The following SGCZ variants were observed in gnomAD, a reference collection of about 807,000 sequenced individuals.
The protein encoded by SGCZ is sarcoglycan zeta, also known as zeta-sarcoglycan.
Under a neutral mutation model 41.3 loss-of-function variants are expected in SGCZ, and 40 were observed. The observed-to-expected ratio is 0.97, with a 90% CI of 0.75 to 1.26. SGCZ has a LOEUF of 1.26. SGCZ is among the 50% of genes most tolerant of loss of function. The pLI is 0.00. For missense variants in SGCZ, 552 were observed against 369.8 expected, an observed-to-expected ratio of 1.49 and a Z score of -4.04; for synonymous variants, 206 against 137.5, an observed-to-expected ratio of 1.50 and a Z score of -3.49.
Position 14,168,568 on chromosome 8 carries a change from T to C in SGCZ, c.425-3866A>G, listed in dbSNP as rs1240682586. Among the ~76,000 whole-genome samples the C allele has an allele frequency of 2.0e-5, 3 of 152,150 alleles. No homozygotes were observed. In the South Asian group the frequency reaches 6.2e-4, roughly 32 times the overall value. ...TTATCTTCCCGGCTGCCACGTAAGA[T>C]GTGACTTGCTCCTCCTTGCCTGCAG... On this transcript the variant is annotated intron_variant, in intron 4 of 7. Coordinates refer to ENST00000382080, the MANE Select transcript of SGCZ (RefSeq NM_139167.4).
At chr8:14,496,148 C>T (rs1801981848) in intron 2 of SGCZ, among the ~76,000 whole-genome samples, 1 of 150,702 alleles carries the variant, frequency 6.6e-6, no homozygotes, top group African/African-American at 2.4e-5. Context: ...TCACTGCAGC[C>T]TCAAACTCTT....
At chr8:14,831,964 A>G (rs960425125) in intron 1 of SGCZ, among the ~76,000 whole-genome samples, 1 of 152,150 alleles carries the variant, frequency 6.6e-6, no homozygotes, top group Non-Finnish European at 1.5e-5. Context: ...AGTGTTTTAA[A>G]AGAATAGCTG....
chr8:14,746,069 T>A (rs1336051866), intron 1 of SGCZ, among the ~76,000 whole-genome samples: 1 of 152,052 alleles, frequency 6.6e-6, no homozygotes, highest in Non-Finnish European at 1.5e-5. Context: ...AAATTATTTT[T>A]GTTTTAATAT....
At chr8:15,040,956 G>A (rs982670739) in intron 1 of SGCZ, among the ~76,000 whole-genome samples, 3 of 151,922 alleles carry the variant, frequency 2.0e-5, no homozygotes, top group Non-Finnish European at 4.4e-5. Flanking sequence ...TGTCTAATAC[G>A]TTTATCTACA....
At chr8:14,542,850 G>A (rs985724405) in intron 2 of SGCZ, among the ~76,000 whole-genome samples, 1 of 151,962 alleles carries the variant, frequency 6.6e-6, no homozygotes, top group Admixed American at 6.6e-5. Flanking sequence ...TGCTAAGGGT[G>A]CTATTTACGT....
At chr8:14,882,236 A>G (rs537486840) in intron 1 of SGCZ, among the ~76,000 whole-genome samples, 5 of 152,266 alleles carry the variant, frequency 3.3e-5, no homozygotes, top group South Asian at 2.1e-4. Context: ...TCTGCTCACA[A>G]CATTTTCAGA....
intron 3 of SGCZ, among the ~76,000 whole-genome samples, chr8:14,289,480 C>T (rs1301659207): frequency 1.3e-5 from 2 of 152,036 alleles, no homozygotes; most frequent in Non-Finnish European, 2.9e-5. Flanking sequence ...ACTCATTTTA[C>T]ATGTAAATAT....
intron 1 of SGCZ, among the ~76,000 whole-genome samples, chr8:14,719,469 A>G (rs940260602): frequency 1.7e-4 from 25 of 151,484 alleles, no homozygotes; most frequent in African/African-American, 6.1e-4. Flanking sequence ...CAGTCCCACC[A>G]ATAGTGTAAA....
At chr8:14,927,406 G>C (rs79323463) in intron 1 of SGCZ, among the ~76,000 whole-genome samples, 5,027 of 152,110 alleles carry the variant, frequency 0.033, 273 homozygotes, top group African/African-American at 0.12. Context: ...ACCGCGCCCG[G>C]CCAAGTTCCT....
chr8:15,018,733 G>A (rs141230926), intron 1 of SGCZ, among the ~76,000 whole-genome samples: 22 of 152,298 alleles, frequency 1.4e-4, no homozygotes, highest in African/African-American at 4.3e-4. Context: ...TGTAGAAAGG[G>A]ATGTTGTAGT....
intron 1 of SGCZ, among the ~76,000 whole-genome samples, chr8:14,695,253 T>C (rs776129349): frequency 4.6e-5 from 7 of 152,148 alleles, no homozygotes; most frequent in South Asian, 2.1e-4. Flanking sequence ...AATTCTCTTA[T>C]GAAAAGCTCT....
chr8:14,347,546 G>T (rs1045199750), intron 2 of SGCZ, among the ~76,000 whole-genome samples: 1 of 147,930 alleles, frequency 6.8e-6, no homozygotes, highest in East Asian at 2.1e-4. Flanking sequence ...CACAGACTTT[G>T]TATTTAATTT....
chr8:14,258,339 T>C (rs1799537081), intron 3 of SGCZ, among the ~76,000 whole-genome samples: 1 of 152,174 alleles, frequency 6.6e-6, no homozygotes, highest in Admixed American at 6.5e-5. Flanking sequence ...GTATTAGTCC[T>C]CTGCACTCTG....
intron 1 of SGCZ, among the ~76,000 whole-genome samples, chr8:14,695,135 A>G (rs1295519793): frequency 6.6e-6 from 1 of 152,142 alleles, no homozygotes; most frequent in Non-Finnish European, 1.5e-5. Flanking sequence ...GGAAGAGTCA[A>G]TCTTAGTTGC....
In SGCZ at chr8:14,184,755, G is replaced by C. The variant is rs74983462; in HGVS notation, c.425-20053C>G. On this transcript the variant is annotated intron_variant, in intron 4 of 7. Coordinates refer to ENST00000382080, the MANE Select transcript of SGCZ (RefSeq NM_139167.4). ...TAAGAAGAGAAGTACCTTAAACTAT[G>C]GTTTTTCCATATGTGGGCTTAATCT... Among the ~76,000 whole-genome samples the C allele has an allele frequency of 2.0e-3, 307 of 152,236 alleles. 1 individual carries two copies. The highest frequency in any genetic ancestry group is 7.2e-3 in the African/African-American group (300 of 41,550).
intron 1 of SGCZ, among the ~76,000 whole-genome samples, chr8:15,203,276 A>T (rs1277441390): frequency 6.6e-6 from 1 of 152,198 alleles, no homozygotes; most frequent in Non-Finnish European, 1.5e-5. Context: ...TATATTCTAA[A>T]AGTTTCTAAA....
intron 2 of SGCZ, among the ~76,000 whole-genome samples, chr8:14,488,839 C>G (rs796766612): frequency 5.7e-5 from 4 of 69,822 alleles, no homozygotes; most frequent in South Asian, 4.2e-4. Context: ...AACATTTTCC[C>G]CACCTCTTTA....
chr8:14,832,667 T>C (rs75219653), intron 1 of SGCZ, among the ~76,000 whole-genome samples: 4,877 of 152,288 alleles, frequency 0.032, 184 homozygotes, highest in African/African-American at 0.09. Context: ...ATGTTCTCTT[T>C]GTTATCAGGG....
chr8:14,493,230 T>A (rs1302829144), intron 2 of SGCZ, among the ~76,000 whole-genome samples: 1 of 151,914 alleles, frequency 6.6e-6, no homozygotes, highest in East Asian at 1.9e-4. Context: ...TTCTCCCTCC[T>A]CTCCTCTGAT....
Sources: gnomAD v4.1 joint callset for allele counts (sites outside exome capture counted in the v4.1 genomes callset) on GRCh38, gnomAD v4.1.1 for gene constraint, MANE v1.5 for transcripts, NCBI Gene and HGNC (gene_info 2026-07-23, HGNC 2026-07-21) for gene names.